Variants in TG observed in about 807,000 individuals in gnomAD.
The protein encoded by TG is thyroglobulin.
TG carries 270 observed loss-of-function variants against 324.7 expected under a neutral mutation model. That is an observed-to-expected ratio of 0.83 (90% confidence interval 0.75 to 0.92). The LOEUF (loss-of-function observed/expected upper bound fraction) is 0.92, where lower values mean the gene tolerates loss of function less well. TG is among the 40% of genes least tolerant of loss of function. The probability of loss-of-function intolerance (pLI) is 0.00; values close to 1 mark genes in which losing one functional copy is unlikely to be tolerated. For synonymous variants in TG, 1,401 were observed against 1,327.0 expected, an observed-to-expected ratio of 1.06 and a Z score of -1.21; for missense variants, 3,591 against 3,456.4, an observed-to-expected ratio of 1.04 and a Z score of -0.98.
intron 43 of TG, among the ~76,000 whole-genome samples, chr8:133,100,961 A>AT (rs113664419): frequency 0.32 from 47,781 of 151,590 alleles, 8,178 homozygotes; most frequent in African/African-American, 0.44. Flanking sequence ...ATTTAACACG[A>AT]TTTTTTTTCT....
chr8:132,883,544 TG>T (rs1299732079), intron 8 of TG, among the ~76,000 whole-genome samples: 1 of 152,134 alleles, frequency 6.6e-6, no homozygotes, highest in African/African-American at 2.4e-5. Context: ...AAAAAATTGC[TG>T]GAGTATGAAT....
intron 43 of TG, among the ~76,000 whole-genome samples, chr8:133,106,080 G>A (rs946480709): frequency 6.6e-6 from 1 of 152,168 alleles, no homozygotes; most frequent in African/African-American, 2.4e-5. Context: ...AGCTCTAGGT[G>A]GGGGTGGGAC....
chr8:132,989,906 A>G (rs1832092065), intron 35 of TG, among the ~76,000 whole-genome samples: 1 of 152,156 alleles, frequency 6.6e-6, no homozygotes, highest in Non-Finnish European at 1.5e-5. Context: ...GCCAGATTTC[A>G]CAGCCTCTTG....
intron 20 of TG, among the ~76,000 whole-genome samples, chr8:132,917,262 A>G (rs994882217): frequency 8.5e-5 from 13 of 152,190 alleles, no homozygotes; most frequent in Non-Finnish European, 1.8e-4. Context: ...AGCCTGTTAC[A>G]TCACAGCCAG....
At chr8:132,987,392 C>T (rs973702769) in intron 35 of TG, among the ~76,000 whole-genome samples, 8 of 151,872 alleles carry the variant, frequency 5.3e-5, no homozygotes, top group African/African-American at 1.7e-4. Flanking sequence ...TGTACAGGCA[C>T]GTATGCACTG....
intron 41 of TG, among the ~76,000 whole-genome samples, chr8:133,034,184 A>T (rs1364353293): frequency 6.6e-6 from 1 of 152,236 alleles, no homozygotes; most frequent in Non-Finnish European, 1.5e-5. Context: ...AGTTGGAGTG[A>T]CATAGACTTG....
chr8:132,922,011 T>A (rs768251617), intron 21 of TG, among the ~76,000 whole-genome samples: 8 of 152,352 alleles, frequency 5.3e-5, no homozygotes, highest in Non-Finnish European at 1.2e-4. Context: ...CCTTTTAATA[T>A]CATTCATCCA....
At chr8:133,133,130 A>G (rs563735149) in intron 46 of TG, among the ~76,000 whole-genome samples, 15 of 152,306 alleles carry the variant, frequency 9.8e-5, no homozygotes, top group Middle Eastern at 3.4e-3. Context: ...AAGGCTAGCT[A>G]TGGTGTCTAG....
chr8:132,911,098 C>T (rs151207443), intron 18 of TG, among the ~76,000 whole-genome samples: 2 of 152,278 alleles, frequency 1.3e-5, no homozygotes, highest in East Asian at 3.9e-4. Flanking sequence ...AGTTGTTTCA[C>T]CAGTGAAGTA....
At position 133,060,335 on chromosome 8, in the gene TG, A is replaced by T. The variant is rs533595928; in HGVS notation, c.7239+30312A>T. On this transcript the variant is annotated intron_variant, in intron 41 of 47. Transcript: ENST00000220616. ...TTGAAAGGCGGCTGTTTATATGTGA[A>T]GATGAGATTGGTGAAGATTGGTTAC... The T allele has an allele frequency of 1.9e-6, 3 of 1,552,366 alleles. No individual in the cohort carries two copies. In the East Asian group the frequency reaches 7.3e-5, roughly 38 times the overall value.
Position 133,085,278 on chromosome 8 carries a change from G to A in TG, c.7240-9766G>A, listed in dbSNP as rs17703282. 2.2e-3 allele frequency among the ~76,000 whole-genome samples: 341 copies of A among 152,110 alleles called. 3 individuals carry two copies. The highest frequency in any genetic ancestry group is 2.6e-3 in the Non-Finnish European group (178 of 67,998). ...ATCTATAGAATGCAAGGCAGAACTCGTGGACCTTGCACTAGGCAAGCATTT... is the reference window on the plus strand; with the variant it reads ...ATCTATAGAATGCAAGGCAGAACTCATGGACCTTGCACTAGGCAAGCATTT... On this transcript the variant is annotated intron_variant, in intron 41 of 47. Coordinates refer to ENST00000220616, the MANE Select transcript of TG (RefSeq NM_003235.5).
intron 35 of TG, among the ~76,000 whole-genome samples, chr8:133,004,143 A>G (rs763811418): frequency 5.9e-5 from 9 of 151,864 alleles, no homozygotes; most frequent in Non-Finnish European, 1.3e-4. Context: ...CCCTCTGCCC[A>G]TGGAAGGGGC....
intron 28 of TG, 135 bp downstream of exon 28, chr8:132,961,208 TG>T: frequency 2.2e-6 from 2 of 907,768 alleles, no homozygotes; most frequent in Non-Finnish European, 3.6e-6. Flanking sequence ...GCATACTTTC[TG>T]TGGAATAGAA....
At chr8:133,060,003 C>G in intron 41 of TG, 1 of 1,257,782 alleles carries the variant, frequency 8.0e-7, no homozygotes. Context: ...TACCCATTGC[C>G]CCATTTAAGT....
intron 38 of TG, among the ~76,000 whole-genome samples, chr8:133,018,950 G>T (rs745395575): frequency 1.3e-5 from 2 of 152,214 alleles, no homozygotes; most frequent in Non-Finnish European, 1.5e-5. Context: ...CTGCTCCACT[G>T]CTGGGAAACA....
chr8:132,969,462 A>G lies in TG; in HGVS notation c.5868A>G (p.Ile1956Met), dbSNP rs1390876905. 2 of 1,607,122 alleles carry G rather than the reference A, an allele frequency of 1.2e-6. No individual in the cohort carries two copies. The highest frequency in any genetic ancestry group is 1.7e-5 in the Admixed American group (1 of 60,004). The change falls in exon 32 of 48, where the codon ATA (isoleucine) becomes ATG (methionine). Residue 1956 changes from isoleucine (I) to methionine (M), a missense_variant. Ile to Met is a conservative substitution (Grantham distance 10). Coordinates refer to ENST00000220616, the MANE Select transcript of TG (RefSeq NM_003235.5). Reference sequence around the variant, plus strand: ...TTTCTTTCTTCCTCTATGAAGTTATACTGGAAGATAAAGTGAAGAACTTTT... The same window carrying G: ...TTTCTTTCTTCCTCTATGAAGTTATGCTGGAAGATAAAGTGAAGAACTTTT... ...MPKALFRKKV[I>M]LEDKVKNFYT...
chr8:133,055,471 C>T (rs796762914), intron 41 of TG, among the ~76,000 whole-genome samples: 19 of 152,072 alleles, frequency 1.2e-4, no homozygotes, highest in African/African-American at 3.4e-4. Context: ...GAAGGTCTGC[C>T]GAGTTCTGCG....
chr8:132,929,100 C>T lies in TG; in HGVS notation c.4724C>T (p.Pro1575Leu), dbSNP rs755202156. 8 of 1,613,830 alleles carry T rather than the reference C, an allele frequency of 5.0e-6. No individual in the cohort carries two copies. Among genetic ancestry groups the T allele is most frequent in the South Asian group, 1.1e-5 (1 of 91,074 alleles). Residue 1575 changes from proline (P) to leucine (L), a missense_variant, in exon 23 of 48, where the codon CCA (proline) becomes CTA (leucine). By Grantham distance (98) the Pro-to-Leu change is moderately conservative (BLOSUM62 -3). Coordinates refer to ENST00000220616, the MANE Select transcript of TG (RefSeq NM_003235.5). ...CLMMQKFEKV[P>L]ESKVIFDANA... ...GTGATGCAGAAGTTTGAGAAGGTTC[C>T]AGAATCAAAGGTGATCTTCGACGCC...
chr8:132,960,139 A>T (rs1827532231), intron 27 of TG, among the ~76,000 whole-genome samples: 1 of 152,238 alleles, frequency 6.6e-6, no homozygotes, highest in Non-Finnish European at 1.5e-5. Flanking sequence ...ACCATGGCAC[A>T]CGTATACCTA....
Sources: allele counts gnomAD v4.1 joint callset (sites outside exome capture counted in the v4.1 genomes callset), GRCh38; gene constraint gnomAD v4.1.1; transcripts MANE v1.5; gene names NCBI Gene and HGNC (gene_info 2026-07-23, HGNC 2026-07-21).